UBASH3A: variants seen among roughly 807,000 people sequenced by gnomAD.
UBASH3A encodes the protein ubiquitin associated and SH3 domain containing A.
A neutral mutation model predicts 73.5 loss-of-function variants in UBASH3A; 63 were observed. That is an observed-to-expected ratio of 0.86 (90% CI 0.70 to 1.06). The LOEUF (loss-of-function observed/expected upper bound fraction) is 1.06. Among genes scored for constraint, UBASH3A ranks in the 50% least tolerant of loss-of-function variants. UBASH3A has a pLI of 0.00. For synonymous variants in UBASH3A, 363 were observed against 351.1 expected (o/e 1.03, Z -0.38); for missense variants, 860 against 859.0 (o/e 1.00, Z -0.02).
chr21:42,441,706 A>G (rs988642243), intron 11 of UBASH3A, among the ~76,000 whole-genome samples: 2 of 150,830 alleles, frequency 1.3e-5, no homozygotes, highest in Non-Finnish European at 3.0e-5. Flanking sequence ...ATTGGGGAGA[A>G]CTTGGGGGCC....
rs953876281 is a variant in UBASH3A, at chr21:42,412,101, T to C, written c.355-923T>C. Among the ~76,000 whole-genome samples, 52 of 152,170 alleles carry C rather than the reference T, an allele frequency of 3.4e-4. 1 individual carries two copies. Among genetic ancestry groups the C allele is most frequent in the African/African-American group, 1.1e-3 (46 of 41,446 alleles). On this transcript the variant is annotated intron_variant, in intron 3 of 14. Coordinates refer to ENST00000319294, the MANE Select transcript of UBASH3A (RefSeq NM_018961.4). The stretch of plus-strand genomic sequence containing the variant: ...GAGGGTGTGGTGTCTGGGTTTCCCC[T>C]GTGGTCCGATGTGGCCAATGGCACT...
At chr21:42,410,576 C>T (rs991798584) in intron 3 of UBASH3A, 2 of 278,332 alleles carry the variant, frequency 7.2e-6, no homozygotes, top group Non-Finnish European at 1.3e-5. Context: ...GAGCACAAGA[C>T]TAAACCTGGA....
At position 42,447,334 on chromosome 21, in the gene UBASH3A, C is replaced by T. The variant is rs139369624; in HGVS notation, c.*140C>T. On this transcript the variant is annotated 3_prime_UTR_variant, in exon 15 of 15. Coordinates refer to ENST00000319294, the MANE Select transcript of UBASH3A (RefSeq NM_018961.4). ...AAGCACGAGACGCACTTTTATATCC[C>T]GGAATATTTCCCTCCGGCTTTCGCC... 4.2e-4 allele frequency: 382 copies of T among 909,266 alleles called. 2 individuals are homozygous for T. The African/African-American group carries it at 5.5e-3, about 13-fold the overall frequency. The allele number at this position is 909,266 out of a possible 1,614,324, so 56.3% of individuals were successfully genotyped here.
chr21:42,431,660 G>C (rs2053534155), intron 8 of UBASH3A, among the ~76,000 whole-genome samples: 1 of 152,196 alleles, frequency 6.6e-6, no homozygotes, highest in South Asian at 2.1e-4. Flanking sequence ...GTCAACACCA[G>C]GGCAGTCCTG....
intron 8 of UBASH3A, among the ~76,000 whole-genome samples, chr21:42,429,470 T>A (rs564497013): frequency 1.2e-3 from 177 of 152,298 alleles, no homozygotes; most frequent in African/African-American, 4.1e-3. Context: ...ACATTTAAAA[T>A]GCTCTGAGCT....
intron 14 of UBASH3A, 75 bp from the exon 15 acceptor site, chr21:42,446,982 G>GA: frequency 6.6e-7 from 1 of 1,521,794 alleles, no homozygotes; most frequent in Non-Finnish European, 8.9e-7. Flanking sequence ...GTGCCTGACA[G>GA]TTGGCTTTGG....
chr21:42,419,599 T>C (rs1207383144), intron 7 of UBASH3A, among the ~76,000 whole-genome samples: 1 of 152,242 alleles, frequency 6.6e-6, no homozygotes, highest in Admixed American at 6.5e-5. Context: ...AGTCTGTTCA[T>C]GGTGATTTGG....
intron 7 of UBASH3A, among the ~76,000 whole-genome samples, chr21:42,423,820 G>T (rs1036653108): frequency 6.6e-6 from 1 of 152,164 alleles, no homozygotes; most frequent in Non-Finnish European, 1.5e-5. Flanking sequence ...CACTGGGCTA[G>T]GTGCTGTGGG....
At chr21:42,410,090 A>T (rs1276284488) in intron 3 of UBASH3A, 1 of 702,372 alleles carries the variant, frequency 1.4e-6, no homozygotes, top group Non-Finnish European at 2.6e-6. Context: ...GGCTACCCAC[A>T]AATGCAGAAC....
chr21:42,405,726 C>T (rs1430780532), intron 1 of UBASH3A, among the ~76,000 whole-genome samples: 8 of 152,178 alleles, frequency 5.3e-5, no homozygotes, highest in Non-Finnish European at 1.2e-4. Context: ...AATGTACTTA[C>T]GTCCCGGGTT....
intron 9 of UBASH3A, among the ~76,000 whole-genome samples, chr21:42,433,099 A>T (rs1011123965): frequency 6.6e-6 from 1 of 150,940 alleles, no homozygotes; most frequent in African/African-American, 2.5e-5. Flanking sequence ...TGAACTTCAT[A>T]GAAAAAGAAA....
intron 8 of UBASH3A, among the ~76,000 whole-genome samples, chr21:42,428,803 C>T (rs1043826971): frequency 6.6e-6 from 1 of 152,044 alleles, no homozygotes. Context: ...CATGCATCTG[C>T]CTGTGAACTG....
intron 7 of UBASH3A, among the ~76,000 whole-genome samples, chr21:42,420,149 C>G (rs898688185): frequency 6.6e-6 from 1 of 152,118 alleles, no homozygotes; most frequent in Admixed American, 6.5e-5. Context: ...GTACAGTTGT[C>G]CCTTGCTATC....
rs141396883 is a variant in UBASH3A, at chr21:42,433,988, C to G, written c.1271-844C>G. ...CTAATAACCAGGAGGCTTGGGGTCCCTTTGGAGAATGTGAAGGCAAACCAG... is the reference window on the plus strand; with the variant it reads ...CTAATAACCAGGAGGCTTGGGGTCCGTTTGGAGAATGTGAAGGCAAACCAG... On this transcript the variant is annotated intron_variant, in intron 9 of 14. Coordinates refer to ENST00000319294, the MANE Select transcript of UBASH3A (RefSeq NM_018961.4). Among the ~76,000 whole-genome samples the G allele has an allele frequency of 3.3e-5, 5 of 152,192 alleles. No individual in the cohort carries two copies. In the East Asian group the frequency reaches 9.7e-4, roughly 29 times the overall value.
intron 2 of UBASH3A, among the ~76,000 whole-genome samples, chr21:42,406,815 A>G (rs2052986829): frequency 6.6e-6 from 1 of 152,154 alleles, no homozygotes. Flanking sequence ...GCAGGCTGGG[A>G]TTTTGCATAC....
At position 42,418,595 on chromosome 21, in the gene UBASH3A, G is replaced by A. The variant is rs137938408; in HGVS notation, c.1032G>A (p.Thr344=). The A allele has an allele frequency of 1.3e-5, 21 of 1,613,944 alleles. No individual in the cohort carries two copies. Among genetic ancestry groups the A allele is most frequent in the South Asian group, 1.1e-4 (10 of 91,074 alleles). The change falls in exon 7 of 15, where the codon ACG becomes ACA. Residue 344 remains threonine, a synonymous_variant. Transcript: ENST00000319294. ...NYTDRASESD[T]WVKHRMYTFS... ...CGGATCGAGCCAGTGAGTCTGACAC[G>A]TGGGTGAAGCACAGGTGAGTGCTGC...
intron 1 of UBASH3A, among the ~76,000 whole-genome samples, chr21:42,404,583 G>A (rs1310302599): frequency 6.6e-6 from 1 of 152,140 alleles, no homozygotes. Context: ...GGAGATTGGG[G>A]CCTGGTTGTA....
Position 42,432,121 on chromosome 21 carries a change from AG to A in UBASH3A, c.1190del (p.Ser397ThrfsTer35). The A allele has an allele frequency of 6.2e-7, 1 of 1,613,216 alleles. No homozygotes were observed. Among genetic ancestry groups the A allele is most frequent in the Non-Finnish European group, 8.5e-7 (1 of 1,179,428 alleles). On this transcript the variant is annotated frameshift_variant, in exon 9 of 15. Coordinates refer to ENST00000319294, the MANE Select transcript of UBASH3A (RefSeq NM_018961.4). LOFTEE classifies it high-confidence loss of function. ...QALQATVARK[S>X]VLVVRHGERV... ...CCCCCAGGCTACCGTTGCAAGGAAG[AG>A]CGTGCTGGTGGTTCGCCACGGGGAG...
chr21:42,407,459 A>G (rs2053000466), intron 2 of UBASH3A, among the ~76,000 whole-genome samples: 1 of 152,208 alleles, frequency 6.6e-6, no homozygotes, highest in Non-Finnish European at 1.5e-5. Context: ...CACTGCTGTG[A>G]AGGGCATGGC....
Sources: allele counts gnomAD v4.1 joint callset (sites outside exome capture counted in the v4.1 genomes callset), GRCh38; gene constraint gnomAD v4.1.1; transcripts MANE v1.5; gene names NCBI Gene and HGNC (gene_info 2026-07-23, HGNC 2026-07-21).